Variants in PAEP observed in about 807,000 individuals in gnomAD.
PAEP encodes the protein progestagen associated endometrial protein.
In PAEP, 28 loss-of-function variants were observed where a neutral mutation model predicts 23.0. That is an observed-to-expected ratio of 1.22 (90% CI 0.90 to 1.67). The LOEUF (loss-of-function observed/expected upper bound fraction) is 1.67, where lower values mean the gene tolerates loss of function less well. Ranked by LOEUF, PAEP falls within the 40% of genes most tolerant of loss-of-function variation. The pLI is 0.00. For synonymous variants in PAEP, 103 were observed against 92.4 expected (o/e 1.12, Z -0.66); for missense variants, 209 against 226.4 (o/e 0.92, Z 0.49).
intron 6 of PAEP, 160 bp downstream of exon 6, chr9:135,565,961 G>C: frequency 1.3e-6 from 1 of 781,618 alleles, no homozygotes; most frequent in Non-Finnish European, 2.2e-6. Context: ...CAGAAAGCCA[G>C]GCTGCTGACG....
chr9:135,563,274 G>T, intron 3 of PAEP, among the ~76,000 whole-genome samples: 2 of 150,732 alleles, frequency 1.3e-5, no homozygotes, highest in Non-Finnish European at 3.0e-5. Context: ...GGGCAGGAGG[G>T]TAGGTGAACA....
At chr9:135,562,714 T>G (rs1469055614) in intron 2 of PAEP, 106 bp from the exon 3 acceptor site, 1 of 968,926 alleles carries the variant, frequency 1.0e-6, no homozygotes, top group Non-Finnish European at 1.6e-6. Context: ...CGGGCTGCGG[T>G]GCTCCTTGGA....
Position 135,562,407 on chromosome 9 carries a change from C to T in PAEP, c.210C>T (p.Asp70=), listed in dbSNP as rs201378155. 4 of 1,613,942 alleles carry T rather than the reference C, an allele frequency of 2.5e-6. No homozygotes were observed. Among genetic ancestry groups the T allele is most frequent in the Non-Finnish European group, 3.4e-6 (4 of 1,179,984 alleles). ...CCTCACTGTTGCCCACCCCCGAGGA[C>T]AACCTGGAGATCGTTCTGCACAGAT... is the stretch of plus-strand genomic sequence containing the variant. ...HITSLLPTPE[D]NLEIVLHRWE... is the part of the protein sequence containing the mutation. Residue 70 remains aspartate, a synonymous_variant, in exon 2 of 7, where the codon GAC becomes GAT. Coordinates refer to ENST00000479141, the MANE Select transcript of PAEP (RefSeq NM_002571.4).
At chr9:135,563,354 T>TTAGGTGAACAGGTGGGCAGGTGGG (rs1832411036) in intron 3 of PAEP, among the ~76,000 whole-genome samples, 1 of 130,198 alleles carries the variant, frequency 7.7e-6, no homozygotes, top group African/African-American at 2.9e-5. Context: ...GAGCAGGTGG[T>TTAGGTGAACAGGTGGGCAGGTGGG]TAGGTGAACA....
At chr9:135,564,123 C>T (rs548425295) in intron 3 of PAEP, 121 bp from the exon 4 acceptor site, 35 of 1,434,030 alleles carry the variant, frequency 2.4e-5, no homozygotes, top group Admixed American at 1.7e-4. Context: ...GCAGGGGCCA[C>T]GTCCCATGGT....
chr9:135,566,067 G>A, intron 6 of PAEP: 1 of 528,600 alleles, frequency 1.9e-6, no homozygotes, highest in Admixed American at 3.2e-5. Context: ...TTGGGGTTAG[G>A]GGTGTTGGTT....
chr9:135,563,507 C>T (rs114363945), intron 3 of PAEP, among the ~76,000 whole-genome samples: 198 of 47,744 alleles, frequency 4.1e-3, no homozygotes, highest in Middle Eastern at 0.014. Flanking sequence ...GGTAGGTGAA[C>T]AGGTGGGCAG....
rs1011535253 is a variant in PAEP, at chr9:135,565,513, A to G, written c.525A>G (p.Glu175=). 9.3e-6 allele frequency: 15 copies of G among 1,612,810 alleles called. No homozygotes were observed. The Admixed American group carries it at 1.3e-4, about 14-fold the overall frequency. ...ACTTGCTGGACTTGAAACAGATGGAAGGTGAGCTCTGCCTAGGACACGCCC... is the reference window on the plus strand; with the variant it reads ...ACTTGCTGGACTTGAAACAGATGGAGGGTGAGCTCTGCCTAGGACACGCCC... ...LWYLLDLKQM[E]EPCRF The change falls in exon 5 of 7, where the codon GAA becomes GAG. Residue 175 remains glutamate (E), a splice_region_variant and synonymous_variant. Transcript: ENST00000479141.
In PAEP at chr9:135,563,521, G is replaced by A. The variant is rs1400254141; in HGVS notation, c.310+628G>A. Among the ~76,000 whole-genome samples the A allele has an allele frequency of 2.6e-4, 39 of 148,320 alleles. No individual in the cohort carries two copies. The East Asian group carries it at 3.1e-3, about 12-fold the overall frequency. ...GGGTAGGTGAACAGGTGGGCAGGTG[G>A]GCAGGTGGGCAGGTGGGCAGGTGGG... On this transcript the variant is annotated intron_variant, in intron 3 of 6. Transcript: ENST00000479141.
intron 3 of PAEP, among the ~76,000 whole-genome samples, chr9:135,563,867 G>A (rs1041855216): frequency 2.0e-5 from 3 of 151,892 alleles, no homozygotes; most frequent in Non-Finnish European, 2.9e-5. Context: ...CCCCAGAATC[G>A]AGCCACTCTC....
rs192697519 is a variant in PAEP at position 135,564,970 on chromosome 9, C to T, written c.422-440C>T. 5.6e-5 allele frequency: 42 copies of T among 745,648 alleles called. 1 individual carries two copies. The African/African-American group carries it at 5.7e-4, about 10-fold the overall frequency. The allele number at this position is 745,648 out of a possible 1,614,324, so 46.2% of individuals were successfully genotyped here. ...GAAACCTATGATGCTGTCAACCAAA[C>T]GAAGGCCAGGAATACCAAAATAGCC... On this transcript the variant is annotated intron_variant, in intron 4 of 6. Transcript: ENST00000479141.
intron 5 of PAEP, 24 bp from the exon 6 acceptor site, chr9:135,565,761 C>G: frequency 1.2e-6 from 2 of 1,614,066 alleles, no homozygotes; most frequent in Non-Finnish European, 1.7e-6. Context: ...GCTGACACCT[C>G]CACTGTCCCA....
At position 135,564,127 on chromosome 9, in the gene PAEP, C is replaced by T. The variant is rs1364329279; in HGVS notation, c.311-117C>T. On this transcript the variant is annotated intron_variant, in intron 3 of 6. Transcript: ENST00000479141. Reference sequence around the variant, plus strand: ...CATGGTCCACAGCAGGGGCCACGTCCCATGGTGTCAGTGGATGAGGAAGCC... The same window carrying T: ...CATGGTCCACAGCAGGGGCCACGTCTCATGGTGTCAGTGGATGAGGAAGCC... 4.8e-6 allele frequency: 7 copies of T among 1,458,050 alleles called. No individual in the cohort carries two copies. In the South Asian group the frequency reaches 6.9e-5, roughly 14 times the overall value. 90.3% of individuals were successfully genotyped at this position (1,458,050 alleles called of 1,614,324 possible).
rs1418267695 is a variant in PAEP, at chr9:135,562,277, GC to G, written c.97-14del. 2 of 1,611,850 alleles carry G rather than the reference GC, an allele frequency of 1.2e-6. No individual in the cohort carries two copies. The highest frequency in any genetic ancestry group is 2.7e-5 in the African/African-American group (2 of 75,002). On this transcript the variant is annotated splice_polypyrimidine_tract_variant and intron_variant, in intron 1 of 6. Transcript: ENST00000479141. ...CATGGTGGGGTGGGACCGCCGTGCA[GC>G]CCAAGGCCCCCTCAGTTGGCAGGGA...
chr9:135,565,788 C>T lies in PAEP; in HGVS notation c.530C>T (p.Pro177Leu), dbSNP rs751907235. The T allele has an allele frequency of 5.0e-6, 8 of 1,613,682 alleles. No individual in the cohort carries two copies. In the Admixed American group the frequency reaches 5.0e-5, roughly 10 times the overall value. The change falls in exon 6 of 7, where the codon CCG (proline) becomes CTG (leucine). Residue 177 changes from proline to leucine, a missense_variant. Coordinates refer to ENST00000479141, the MANE Select transcript of PAEP (RefSeq NM_002571.4). ...YLLDLKQMEE[P>L]CRF ...ACTGTCCCATCTCCTCCCACAGAGC[C>T]GTGCCGTTTCTAGGTGAGCTCCTGC... is the stretch of plus-strand genomic sequence containing the variant.
chr9:135,565,939 G>A (rs1443291688), intron 6 of PAEP, 138 bp downstream of exon 6: 14 of 944,010 alleles, frequency 1.5e-5, no homozygotes, highest in Non-Finnish European at 2.4e-5. Flanking sequence ...CTGGGGTCTG[G>A]TCTTGTGATT....
At chr9:135,564,159 T>G (rs533767010) in intron 3 of PAEP, 85 bp from the exon 4 acceptor site, 2 of 1,519,336 alleles carry the variant, frequency 1.3e-6, no homozygotes, top group Non-Finnish European at 1.8e-6. Flanking sequence ...AGCCACTTAG[T>G]GTGGTGGGAT....
At position 135,561,868 on chromosome 9, in the gene PAEP, C is replaced by A. The variant is rs781451209; in HGVS notation, c.67C>A (p.Gln23Lys). The change falls in exon 1 of 7, where the codon CAG becomes AAG. Residue 23 changes from glutamine (Q) to lysine (K), a missense_variant. Physicochemically the swap from Gln to Lys is moderately conservative, Grantham distance 53. Coordinates refer to ENST00000479141, the MANE Select transcript of PAEP (RefSeq NM_002571.4). Reference protein sequence around the residue: ...VCGVPAMDIPQTKQDLELPKL... With the variant: ...VCGVPAMDIPKTKQDLELPKL... ...TGGTGTCCCGGCCATGGACATCCCC[C>A]AGACCAAGCAGGACCTGGAGCTCCC... is the stretch of plus-strand genomic sequence containing the variant. The A allele has an allele frequency of 5.7e-6, 9 of 1,567,192 alleles. No individual in the cohort carries two copies. In the South Asian group the frequency reaches 1.1e-4, roughly 18 times the overall value.
At chr9:135,563,250 A>C (rs1027203708) in intron 3 of PAEP, among the ~76,000 whole-genome samples, 2 of 142,616 alleles carry the variant, frequency 1.4e-5, no homozygotes, top group Non-Finnish European at 3.1e-5. Context: ...GGGTAGGTGG[A>C]TATGTATACA....
Sources: allele counts gnomAD v4.1 joint callset (sites outside exome capture counted in the v4.1 genomes callset), GRCh38; gene constraint gnomAD v4.1.1; transcripts MANE v1.5; gene names NCBI Gene and HGNC (gene_info 2026-07-23, HGNC 2026-07-21).